Variants in GSN observed in about 807,000 individuals in gnomAD.
The protein encoded by GSN is actin-depolymerizing factor.
GSN carries 56 observed loss-of-function variants against 85.7 expected under a neutral mutation model. The observed-to-expected ratio is 0.65, with a 90% CI of 0.53 to 0.82. GSN has a LOEUF of 0.82. Ranked by LOEUF, GSN falls within the 40% of genes least tolerant of loss-of-function variation. The probability of loss-of-function intolerance (pLI) is 0.00; values close to 1 mark genes in which losing one functional copy is unlikely to be tolerated. For synonymous variants in GSN, 373 were observed against 399.1 expected, an observed-to-expected ratio of 0.93 and a Z score of 0.78; for missense variants, 857 against 979.8, an observed-to-expected ratio of 0.87 and a Z score of 1.67.
chr9:121,309,189 T>A (rs1589032156), intron 4 of GSN: 1 of 152,042 alleles, frequency 6.6e-6, no homozygotes. Flanking sequence ...TAAAGTGGGG[T>A]GAAGTAGAAG....
At chr9:121,320,134 A>G (rs1367447355) in intron 10 of GSN, among the ~76,000 whole-genome samples, 1 of 152,062 alleles carries the variant, frequency 6.6e-6, no homozygotes, top group Non-Finnish European at 1.5e-5. Context: ...GTTTCATCCC[A>G]CTCCATCACC....
At chr9:121,314,204 C>T (rs2061476463) in intron 7 of GSN, among the ~76,000 whole-genome samples, 181 bp downstream of exon 7, 1 of 152,242 alleles carries the variant, frequency 6.6e-6, no homozygotes, top group African/African-American at 2.4e-5. Flanking sequence ...GCACTAAGAG[C>T]ATGCGATCAA....
At chr9:121,316,590 C>T (rs2061731697) in intron 7 of GSN, among the ~76,000 whole-genome samples, 1 of 152,108 alleles carries the variant, frequency 6.6e-6, no homozygotes. Flanking sequence ...CCCACTTCAG[C>T]CTCCCAAGTA....
chr9:121,292,022 C>T (rs1444604787), intron 2 of GSN, among the ~76,000 whole-genome samples: 2 of 152,140 alleles, frequency 1.3e-5, no homozygotes, highest in African/African-American at 2.4e-5. Flanking sequence ...TCAGCCTCCC[C>T]AGTAGCTAGA....
At chr9:121,227,420 A>G (rs2054291846) in intron 4 of GSN, among the ~76,000 whole-genome samples, 1 of 151,864 alleles carries the variant, frequency 6.6e-6, no homozygotes. Context: ...GAGAGAGAAG[A>G]CACTGGTAAA....
chr9:121,215,418 G>A (rs1021799484), intron 4 of GSN, among the ~76,000 whole-genome samples: 2 of 152,090 alleles, frequency 1.3e-5, no homozygotes, highest in East Asian at 1.9e-4. Context: ...AAATTGGCCG[G>A]ATTGGTGGCT....
chr9:121,212,478 T>TG (rs1298272865), intron 4 of GSN, among the ~76,000 whole-genome samples: 5 of 152,164 alleles, frequency 3.3e-5, no homozygotes, highest in Non-Finnish European at 5.9e-5. Flanking sequence ...AGTGCCCTCC[T>TG]GGAGGAGGCT....
chr9:121,246,985 C>T (rs958667645), intron 5 of GSN, among the ~76,000 whole-genome samples: 1 of 152,034 alleles, frequency 6.6e-6, no homozygotes, highest in African/African-American at 2.4e-5. Flanking sequence ...TTCCCAGAGA[C>T]GTGTAGGTGG....
At position 121,317,282 on chromosome 9, in the gene GSN, T is replaced by C. The variant is rs1056726228; in HGVS notation, c.886+64T>C. ...GATCTTGGATGGGATGTTCTGCAGC[T>C]CCCAGGAACTCAGCTCCCGGGGAGT... On this transcript the variant is annotated intron_variant, in intron 8 of 17. Transcript: ENST00000432226. The C allele has an allele frequency of 2.2e-5, 35 of 1,555,882 alleles. No homozygotes were observed. In the African/African-American group the frequency reaches 4.6e-4, roughly 20 times the overall value.
intron 4 of GSN, among the ~76,000 whole-genome samples, chr9:121,303,340 A>G (rs894201378): frequency 1.3e-5 from 2 of 152,188 alleles, no homozygotes; most frequent in African/African-American, 2.4e-5. Context: ...CCTAGCCCCA[A>G]CAGTGAGGAG....
At chr9:121,263,552 A>G (rs908837299), upstream of GSN, among the ~76,000 whole-genome samples, 14 of 152,214 alleles carry the variant, frequency 9.2e-5, no homozygotes, top group African/African-American at 3.1e-4. Context: ...ACGTGGTGGC[A>G]GGAGAGAGAG....
chr9:121,314,002 C>G lies in GSN; in HGVS notation c.732C>G (p.Arg244=), dbSNP rs759301141. 6.2e-7 allele frequency: 1 copy of G among 1,613,800 alleles called. No individual in the cohort carries two copies. Among genetic ancestry groups the G allele is most frequent in the Non-Finnish European group, 8.5e-7 (1 of 1,179,654 alleles). The change falls in exon 7 of 18, where the codon CGC becomes CGG. Residue 244 remains arginine, a synonymous_variant. Transcript: ENST00000432226. ...CCGCCAAGGAGGATGCGGCCAACCGCAAGCTGGCCAAGCTCTACAAGGTGA... is the reference window on the plus strand; with the variant it reads ...CCGCCAAGGAGGATGCGGCCAACCGGAAGCTGGCCAAGCTCTACAAGGTGA... ...EDTAKEDAAN[R]KLAKLYKVSN... is the part of the protein sequence containing the mutation.
rs2063588618 is a variant in GSN at position 121,329,063 on chromosome 9, G to A, written c.1887+48G>A. Reference sequence around the variant, plus strand: ...CCTCTGCTTTCCCCTCGGGAGGCGAGTTCCACAGGACTGGCCGGCAGCAGG... The same window carrying A: ...CCTCTGCTTTCCCCTCGGGAGGCGAATTCCACAGGACTGGCCGGCAGCAGG... On this transcript the variant is annotated intron_variant, in intron 15 of 17. Transcript: ENST00000432226. The surrounding 1 kb of genome is among the most constrained non-coding windows in gnomAD (Gnocchi z 4.6). The A allele has an allele frequency of 6.2e-7, 1 of 1,608,310 alleles. No individual in the cohort carries two copies. Among genetic ancestry groups the A allele is most frequent in the African/African-American group, 1.3e-5 (1 of 74,868 alleles).
intron 2 of GSN, among the ~76,000 whole-genome samples, chr9:121,301,286 T>C (rs1293244699): frequency 6.6e-6 from 1 of 151,854 alleles, no homozygotes; most frequent in Non-Finnish European, 1.5e-5. Context: ...CCTGGCAGAG[T>C]CCCTTCATCT....
At chr9:121,237,837 G>T (rs1564349918) in intron 5 of GSN, among the ~76,000 whole-genome samples, 1 of 152,222 alleles carries the variant, frequency 6.6e-6, no homozygotes, top group East Asian at 1.9e-4. Flanking sequence ...ATATCACTGT[G>T]TACAATGCAA....
At chr9:121,294,573 G>C (rs1242801979) in intron 2 of GSN, among the ~76,000 whole-genome samples, 1 of 152,218 alleles carries the variant, frequency 6.6e-6, no homozygotes, top group Admixed American at 6.5e-5. Flanking sequence ...CATGGCTTTG[G>C]TCCCTGAGAC....
upstream of GSN, among the ~76,000 whole-genome samples, chr9:121,202,872 A>G (rs370131119): frequency 8.5e-4 from 129 of 152,172 alleles, 1 homozygote; most frequent in African/African-American, 2.1e-3. Context: ...CACGCCTGTA[A>G]TCCCAGCACT....
At chr9:121,325,637 C>T (rs306767) in intron 12 of GSN, among the ~76,000 whole-genome samples, 123,412 of 152,114 alleles carry the variant, frequency 0.81, 50,264 homozygotes, top group East Asian at 0.99. Flanking sequence ...CGGACAACAA[C>T]TGTGCTTCCT....
chr9:121,310,953 A>T (rs2061055165), intron 5 of GSN, 108 bp downstream of exon 5: 1 of 959,456 alleles, frequency 1.0e-6, no homozygotes. Flanking sequence ...TGGGCAAACC[A>T]CAGGGACCAG....
Sources: allele counts gnomAD v4.1 joint callset (sites outside exome capture counted in the v4.1 genomes callset), GRCh38; gene constraint gnomAD v4.1.1; non-coding constraint Gnocchi (gnomAD v3.1); transcripts MANE v1.5; gene names NCBI Gene and HGNC (gene_info 2026-07-23, HGNC 2026-07-21).